Variants in CACHD1 observed in about 807,000 individuals in gnomAD.
CACHD1 encodes VWFA and cache domain-containing protein 1.
Under a neutral mutation model 138.7 loss-of-function variants are expected in CACHD1, and 71 were observed. The ratio of observed to expected loss-of-function variants is 0.51; its 90% CI spans 0.42 to 0.62. The LOEUF (loss-of-function observed/expected upper bound fraction) is 0.62. Ranked by LOEUF, CACHD1 falls within the 20% of genes least tolerant of loss-of-function variation. The pLI, the probability that CACHD1 is intolerant of heterozygous loss-of-function variation, is 0.00. For synonymous variants in CACHD1, 578 were observed against 591.5 expected, an observed-to-expected ratio of 0.98 and a Z score of 0.33; for missense variants, 1,389 against 1,625.3, an observed-to-expected ratio of 0.85 and a Z score of 2.50.
chr1:64,594,515 T>G (rs1014871021), intron 3 of CACHD1, among the ~76,000 whole-genome samples: 18 of 152,170 alleles, frequency 1.2e-4, no homozygotes, highest in African/African-American at 4.3e-4. Context: ...TGTGTGCTTG[T>G]GTGTGTGCAT....
intron 8 of CACHD1, among the ~76,000 whole-genome samples, chr1:64,643,036 TAAAAAAAAAA>T (rs139320316): frequency 2.4e-4 from 8 of 33,358 alleles, no homozygotes; most frequent in East Asian, 1.7e-3. Flanking sequence ...AGACTCTGTC[TAAAAAAAAAA>T]AAAAAAAAAA....
intron 4 of CACHD1, among the ~76,000 whole-genome samples, chr1:64,622,466 C>T (rs1647949439): frequency 6.6e-6 from 1 of 152,142 alleles, no homozygotes; most frequent in Non-Finnish European, 1.5e-5. Context: ...GAAATCATTT[C>T]GTTTTGTTAC....
chr1:64,477,796 G>A (rs1481315543), intron 1 of CACHD1, among the ~76,000 whole-genome samples: 2 of 150,498 alleles, frequency 1.3e-5, no homozygotes, highest in East Asian at 1.9e-4. Context: ...CACCGCGCCC[G>A]GCTAATTTTT....
chr1:64,656,735 G>A (rs993125666), intron 12 of CACHD1, among the ~76,000 whole-genome samples: 8 of 151,676 alleles, frequency 5.3e-5, no homozygotes, highest in Non-Finnish European at 1.0e-4. Flanking sequence ...TAAAATTGTT[G>A]AGCAGATCCC....
At chr1:64,521,555 A>G (rs1646498250) in intron 1 of CACHD1, among the ~76,000 whole-genome samples, 1 of 152,172 alleles carries the variant, frequency 6.6e-6, no homozygotes, top group Admixed American at 6.5e-5. Flanking sequence ...CTTGATTCTT[A>G]TTCATGACAA....
At chr1:64,663,575 G>GAAAA (rs1192848199) in intron 13 of CACHD1, 120 bp from the exon 14 acceptor site, 272 of 1,193,904 alleles carry the variant, frequency 2.3e-4, no homozygotes, top group Non-Finnish European at 2.7e-4. Context: ...AGAAAAAAAG[G>GAAAA]AAAAAAAAAG....
intron 4 of CACHD1, among the ~76,000 whole-genome samples, chr1:64,627,414 T>A (rs1396124840): frequency 6.6e-6 from 1 of 151,942 alleles, no homozygotes; most frequent in African/African-American, 2.4e-5. Flanking sequence ...CTCAAAAAAA[T>A]TTTTTAAATA....
chr1:64,564,612 T>C (rs1474620640), intron 2 of CACHD1, among the ~76,000 whole-genome samples: 1 of 152,188 alleles, frequency 6.6e-6, no homozygotes, highest in South Asian at 2.1e-4. Flanking sequence ...TCCCCTGCAG[T>C]GTGCTACAGA....
intron 1 of CACHD1, among the ~76,000 whole-genome samples, chr1:64,535,281 T>C (rs1247336474): frequency 6.6e-6 from 1 of 152,074 alleles, no homozygotes; most frequent in Non-Finnish European, 1.5e-5. Flanking sequence ...AGAAATTTCT[T>C]TTAGCCAGAG....
At chr1:64,485,393 A>T (rs1250333579) in intron 1 of CACHD1, among the ~76,000 whole-genome samples, 1 of 152,170 alleles carries the variant, frequency 6.6e-6, no homozygotes, top group East Asian at 1.9e-4. Flanking sequence ...AAGAGGATAA[A>T]TGGAAACATT....
chr1:64,654,881 G>T, intron 12 of CACHD1, 78 bp downstream of exon 12: 1 of 1,060,338 alleles, frequency 9.4e-7, no homozygotes, highest in East Asian at 2.4e-5. Flanking sequence ...TCTCAGCCAG[G>T]GGGTGGCACT....
chr1:64,476,482 C>G (rs571190472), intron 1 of CACHD1, among the ~76,000 whole-genome samples: 12 of 152,306 alleles, frequency 7.9e-5, no homozygotes, highest in African/African-American at 2.9e-4. Context: ...AAGGAAAAAT[C>G]ACCTGTATAT....
intron 1 of CACHD1, among the ~76,000 whole-genome samples, chr1:64,529,992 C>T (rs1646569682): frequency 6.6e-6 from 1 of 152,144 alleles, no homozygotes; most frequent in South Asian, 2.1e-4. Context: ...ACAAAAGATG[C>T]CTTCATAGCT....
chr1:64,675,445 C>A lies in CACHD1; in HGVS notation c.2772C>A (p.Tyr924Ter). 1.2e-6 allele frequency: 2 copies of A among 1,612,116 alleles called. No homozygotes were observed. Among genetic ancestry groups the A allele is most frequent in the Non-Finnish European group, 1.7e-6 (2 of 1,178,388 alleles). The change falls in exon 20 of 27, where the codon TAC becomes TAA. Residue 924 changes from tyrosine (Y) to a stop codon, truncating the protein, a stop_gained. Coordinates refer to ENST00000651257, the MANE Select transcript of CACHD1 (RefSeq NM_020925.4). LOFTEE classifies it high-confidence loss of function. ...NLVHGSHCSK[Y>*]RLARIPGTNA... The stretch of plus-strand genomic sequence containing the variant: ...TGCATGGCAGCCACTGTTCCAAATA[C>A]AGATTAGCAAGGATCCCAGGAACCA...
intron 1 of CACHD1, among the ~76,000 whole-genome samples, chr1:64,534,774 A>G (rs1053286121): frequency 9.2e-5 from 14 of 152,248 alleles, no homozygotes; most frequent in African/African-American, 3.4e-4. Context: ...TTTCTAGGAC[A>G]TTCACCTAAG....
intron 4 of CACHD1, among the ~76,000 whole-genome samples, chr1:64,610,232 T>C (rs1252366571): frequency 3.9e-5 from 6 of 152,274 alleles, no homozygotes; most frequent in African/African-American, 1.4e-4. Flanking sequence ...CCAAACCATA[T>C]CATTCTGCCT....
chr1:64,501,797 T>G (rs773515542), intron 1 of CACHD1, among the ~76,000 whole-genome samples: 1 of 152,258 alleles, frequency 6.6e-6, no homozygotes, highest in African/African-American at 2.4e-5. Flanking sequence ...TTGAAAATCA[T>G]CAGCTCCATC....
chr1:64,614,043 G>A (rs1647622016), intron 4 of CACHD1, among the ~76,000 whole-genome samples: 1 of 152,074 alleles, frequency 6.6e-6, no homozygotes, highest in African/African-American at 2.4e-5. Flanking sequence ...GGTTACACTG[G>A]GAATTTTTCC....
At chr1:64,633,940 T>C in intron 6 of CACHD1, 104 bp from the exon 7 acceptor site, 1 of 771,084 alleles carries the variant, frequency 1.3e-6, no homozygotes. Flanking sequence ...GAATCTGTTC[T>C]GTAGGCCTTC....
Sources: gnomAD v4.1 joint callset for allele counts (sites outside exome capture counted in the v4.1 genomes callset) on GRCh38, gnomAD v4.1.1 for gene constraint, MANE v1.5 for transcripts, NCBI Gene and HGNC (gene_info 2026-07-23, HGNC 2026-07-21) for gene names.